ARHGAP9: variants seen among roughly 807,000 people sequenced by gnomAD.
ARHGAP9 encodes the protein Rho GTPase activating protein 9.
ARHGAP9 carries 76 observed loss-of-function variants against 87.3 expected under a neutral mutation model. The ratio of observed to expected loss-of-function variants is 0.87; its 90% CI spans 0.72 to 1.05. ARHGAP9 has a LOEUF of 1.05. Ranked by LOEUF, ARHGAP9 falls within the 50% of genes least tolerant of loss-of-function variation. The pLI is 0.00. For missense variants in ARHGAP9, 941 were observed against 960.5 expected (o/e 0.98, Z 0.27); for synonymous variants, 382 against 394.9 (o/e 0.97, Z 0.39).
chr12:57,486,560 G>A (rs556521319), intron 1 of ARHGAP9, among the ~76,000 whole-genome samples: 1 of 140,942 alleles, frequency 7.1e-6, no homozygotes, highest in Non-Finnish European at 1.6e-5. Flanking sequence ...GTGAGCCACC[G>A]CGCCCGGCCT....
chr12:57,478,774 G>T lies in ARHGAP9; in HGVS notation c.317-17C>A, dbSNP rs761837346. ...ACTTCGGCCCTGGAAACAGAAAAGG[G>T]GAGGGTGGGTGGCAGGTGATCAGAG... is the stretch of plus-strand genomic sequence containing the variant. On this transcript the variant is annotated splice_polypyrimidine_tract_variant and intron_variant, in intron 2 of 17. Coordinates refer to ENST00000393791, the MANE Select transcript of ARHGAP9 (RefSeq NM_032496.4). 1 of 1,596,688 alleles carries T rather than the reference G, an allele frequency of 6.3e-7. No homozygotes were observed. Among genetic ancestry groups the T allele is most frequent in the Admixed American group, 1.7e-5 (1 of 57,956 alleles).
rs1013633175 is a variant in ARHGAP9, at chr12:57,472,445, C to T, written c.*72G>A. 1.3e-6 allele frequency: 2 copies of T among 1,523,830 alleles called. No homozygotes were observed. Among genetic ancestry groups the T allele is most frequent in the Admixed American group, 2.0e-5 (1 of 50,446 alleles). 94.4% of individuals were successfully genotyped at this position (1,523,830 alleles called of 1,614,324 possible). A position where few individuals can be genotyped will look rare whatever the true frequency, so the allele number is the denominator to read the frequency against. The stretch of plus-strand genomic sequence containing the variant: ...CATTTGGGAGATTTAAAGGGATATC[C>T]TCAAAACAGAACACCAGCCTCTCAC... On this transcript the variant is annotated 3_prime_UTR_variant, in exon 18 of 18. Coordinates refer to ENST00000393791, the MANE Select transcript of ARHGAP9 (RefSeq NM_032496.4).
upstream of ARHGAP9, among the ~76,000 whole-genome samples, chr12:57,481,781 C>T (rs182545923): frequency 2.0e-5 from 3 of 152,204 alleles, no homozygotes; most frequent in Non-Finnish European, 2.9e-5. Flanking sequence ...TGGTATCCCT[C>T]TTACCTTTCT....
In ARHGAP9 at chr12:57,473,607, A is replaced by G; in HGVS notation, c.2020T>C (p.Cys674Arg). The G allele has an allele frequency of 1.2e-6, 2 of 1,612,742 alleles. No homozygotes were observed. Among genetic ancestry groups the G allele is most frequent in the Non-Finnish European group, 1.7e-6 (2 of 1,178,790 alleles). ...AAGAGGTTCTGTCTTCCTGACCTGC[A>G]TAAATGCTCCAGGAGGTACCGTAGA... is the stretch of plus-strand genomic sequence containing the variant. ...DTLRYLLEHLCRVIAHSDKNR... is the reference protein window; with the variant it reads ...DTLRYLLEHLRRVIAHSDKNR... Residue 674 changes from cysteine to arginine, a missense_variant, in exon 17 of 18, where the codon TGC becomes CGC. Coordinates refer to ENST00000393791, the MANE Select transcript of ARHGAP9 (RefSeq NM_032496.4).
chr12:57,480,269 C>T (rs568121335), upstream of ARHGAP9, among the ~76,000 whole-genome samples: 1 of 152,064 alleles, frequency 6.6e-6, no homozygotes, highest in South Asian at 2.1e-4. Context: ...GCAACTTCCG[C>T]CCCCCGGGTT....
intron 7 of ARHGAP9, 53 bp downstream of exon 7, chr12:57,476,537 C>T: frequency 6.2e-7 from 1 of 1,613,338 alleles, no homozygotes; most frequent in Non-Finnish European, 8.5e-7. Context: ...CAACACCCTG[C>T]TCTACCCTAT....
chr12:57,486,260 C>G (rs1875385708), intron 1 of ARHGAP9, among the ~76,000 whole-genome samples: 1 of 151,864 alleles, frequency 6.6e-6, no homozygotes, highest in Non-Finnish European at 1.5e-5. Flanking sequence ...AACTCTTAGC[C>G]ATCTTGAATC....
rs1268605834 is a variant in ARHGAP9 at position 57,477,248 on chromosome 12, T to A, written c.778A>T (p.Thr260Ser). 6 of 1,579,176 alleles carry A rather than the reference T, an allele frequency of 3.8e-6. No individual in the cohort carries two copies. Among genetic ancestry groups the A allele is most frequent in the Non-Finnish European group, 5.2e-6 (6 of 1,162,764 alleles). The change falls in exon 5 of 18, where the codon ACA becomes TCA. Residue 260 changes from threonine (T) to serine (S), a missense_variant. Physicochemically the swap from Thr to Ser is moderately conservative, Grantham distance 58. Coordinates refer to ENST00000393791, the MANE Select transcript of ARHGAP9 (RefSeq NM_032496.4). ...TCATTGTTCCTCTTCAGGGTCTGTG[T>A]CCCCTCCATGGAGCCAGGGTTCTGG... Reference protein sequence around the residue: ...SETNPGSMEGTQTLKRNNDVL... With the variant: ...SETNPGSMEGSQTLKRNNDVL...
chr12:57,487,850 CAAAA>C (rs10715375), intron 1 of ARHGAP9: 5,378 of 178,254 alleles, frequency 0.03, 3 homozygotes, highest in Middle Eastern at 0.068. Context: ...CGCCCTCTCA[CAAAA>C]AAAAAAAAAA....
rs749408492 is a variant in ARHGAP9 at position 57,476,942 on chromosome 12, G to C, written c.892C>G (p.Arg298Gly). ...DPQGSLSLSQ[R>G]TSQLDPPALQ... The stretch of plus-strand genomic sequence containing the variant: ...GCTGGAGGGTCAAGCTGCGAGGTGC[G>C]TTGGCTGAGGCTGAGTGAACCCTAG... The change falls in exon 6 of 18, where the codon CGC (arginine) becomes GGC (glycine). Residue 298 changes from arginine to glycine, a missense_variant. Coordinates refer to ENST00000393791, the MANE Select transcript of ARHGAP9 (RefSeq NM_032496.4). 1.2e-6 allele frequency: 2 copies of C among 1,613,728 alleles called. No homozygotes were observed. Among genetic ancestry groups the C allele is most frequent in the Admixed American group, 1.7e-5 (1 of 59,972 alleles).
In ARHGAP9 at chr12:57,475,891, T is replaced by TGCAGCAGGAACTCGTGGC; in HGVS notation, c.1252_1253insGCCACGAGTTCCTGCTGC (p.Asp418delinsGlyHisGluPheLeuLeuHis). The TGCAGCAGGAACTCGTGGC allele has an allele frequency of 1.2e-6, 2 of 1,613,752 alleles. No homozygotes were observed. Among genetic ancestry groups the TGCAGCAGGAACTCGTGGC allele is most frequent in the Non-Finnish European group, 1.7e-6 (2 of 1,179,858 alleles). On this transcript the variant is annotated protein_altering_variant, in exon 10 of 18. Transcript: ENST00000393791. ...CCAGGCTCGCAGCTCTGTCTCGTGG[T>TGCAGCAGGAACTCGTGGC]CCGACTGCAGCAGGAACTCGTGGCC...
At chr12:57,488,773 A>C in exon 1 of ARHGAP9, 2 of 996,576 alleles carry the variant, frequency 2.0e-6, no homozygotes, top group Non-Finnish European at 3.1e-6. Context: ...CACTATCCCA[A>C]TACCACCACC....
rs1939389056 is a variant in ARHGAP9, at chr12:57,479,845, A to G, written c.-134T>C. 1.3e-6 allele frequency: 2 copies of G among 1,494,784 alleles called. No individual in the cohort carries two copies. The highest frequency in any genetic ancestry group is 2.6e-5 in the South Asian group (2 of 76,458). 92.6% of individuals were successfully genotyped at this position (1,494,784 alleles called of 1,614,324 possible). Reference sequence around the variant, plus strand: ...AAAGAATCAGGTTCAAGACAGAAACAGGGAGACACAAGGTTAATGACAAAG... The same window carrying G: ...AAAGAATCAGGTTCAAGACAGAAACGGGGAGACACAAGGTTAATGACAAAG... On this transcript the variant is annotated 5_prime_UTR_variant, in exon 1 of 18. Coordinates refer to ENST00000393791, the MANE Select transcript of ARHGAP9 (RefSeq NM_032496.4).
Position 57,477,658 on chromosome 12 carries a change from G to T in ARHGAP9, c.557C>A (p.Ser186Ter). The change falls in exon 4 of 18, where the codon TCA becomes TAA. Residue 186 changes from serine (S) to a stop codon, truncating the protein, a stop_gained. Coordinates refer to ENST00000393791, the MANE Select transcript of ARHGAP9 (RefSeq NM_032496.4). LOFTEE classifies it high-confidence loss of function. The stretch of plus-strand genomic sequence containing the variant: ...CAGGTTACAGTACACAGGGGGCTCT[G>T]ACATGAGGGGCTGGGGGCCTGCCTG... ...ASTAGPQPLM[S>*]EPPVYCNLVD... is the part of the protein sequence containing the mutation. 6.2e-7 allele frequency: 1 copy of T among 1,612,820 alleles called. No individual in the cohort carries two copies. The highest frequency in any genetic ancestry group is 8.5e-7 in the Non-Finnish European group (1 of 1,179,358).
upstream of ARHGAP9, chr12:57,480,178 C>T (rs927543875): frequency 3.8e-5 from 31 of 817,498 alleles, no homozygotes; most frequent in African/African-American, 5.4e-4. Flanking sequence ...TGTGTGGGTT[C>T]ATTCATGCTT....
upstream of ARHGAP9, among the ~76,000 whole-genome samples, chr12:57,484,603 A>G (rs912369249): frequency 2.0e-5 from 3 of 152,136 alleles, no homozygotes; most frequent in African/African-American, 7.2e-5. Context: ...TTTATGCCTC[A>G]GTTCCCTCAT....
At chr12:57,479,591 G>A (rs1298327632) in intron 1 of ARHGAP9, 139 bp downstream of exon 1, 6 of 1,527,714 alleles carry the variant, frequency 3.9e-6, no homozygotes, top group African/African-American at 1.4e-5. Flanking sequence ...GACAGGTTTT[G>A]GGGGCTGAGA....
intron 16 of ARHGAP9, 50 bp from the exon 17 acceptor site, chr12:57,473,758 A>G: frequency 6.6e-7 from 1 of 1,509,014 alleles, no homozygotes; most frequent in African/African-American, 1.4e-5. Context: ...GGAAGGTGCT[A>G]GGACAGGATG....
In ARHGAP9 at chr12:57,476,874, G is replaced by C. The variant is rs140300899; in HGVS notation, c.960C>G (p.Pro320=). The C allele has an allele frequency of 1.9e-6, 3 of 1,613,710 alleles. No homozygotes were observed. The African/African-American group carries it at 4.0e-5, about 22-fold the overall frequency. ...PRPLPQLLDD[P]HEVEKSGLLN... ...CACAAAGAAATGGGAGATTCACATGGGGGTCGTCCAGGAGCTGCGGCAGAG... is the reference window on the plus strand; with the variant it reads ...CACAAAGAAATGGGAGATTCACATGCGGGTCGTCCAGGAGCTGCGGCAGAG... Residue 320 remains proline (P), a synonymous_variant, in exon 6 of 18, where the codon CCC becomes CCG. Coordinates refer to ENST00000393791, the MANE Select transcript of ARHGAP9 (RefSeq NM_032496.4).
Sources: allele counts gnomAD v4.1 joint callset (sites outside exome capture counted in the v4.1 genomes callset), GRCh38; gene constraint gnomAD v4.1.1; transcripts MANE v1.5; gene names NCBI Gene and HGNC (gene_info 2026-07-23, HGNC 2026-07-21).